Variants in PIWIL4 observed in about 807,000 individuals in gnomAD.
PIWIL4 encodes piwi-like protein 4.
Under a neutral mutation model 100.9 loss-of-function variants are expected in PIWIL4, and 50 were observed. The ratio of observed to expected loss-of-function variants is 0.50; its 90% confidence interval spans 0.39 to 0.63. The LOEUF (loss-of-function observed/expected upper bound fraction) is 0.63. PIWIL4 is among the 20% of genes least tolerant of loss of function. The probability of loss-of-function intolerance (pLI) is 0.00; values close to 1 mark genes in which losing one functional copy is unlikely to be tolerated. For synonymous variants in PIWIL4, 342 were observed against 367.5 expected (o/e 0.93, Z 0.79); for missense variants, 887 against 1,043.3 (o/e 0.85, Z 2.06).
rs556941158 is a variant in PIWIL4 at position 94,611,655 on chromosome 11, ATGAG to A, written c.1943+2975_1943+2978del. On this transcript the variant is annotated intron_variant, in intron 15 of 19. Transcript: ENST00000299001. ...GGGGTAGATTGCCCTCCCCATGGTA[ATGAG>A]TGAGTTCTTGTTCTGTTAGTTTGTG... Among the ~76,000 whole-genome samples the A allele has an allele frequency of 2.3e-3, 343 of 152,234 alleles. 3 individuals are homozygous for A. The highest frequency in any genetic ancestry group is 6.7e-3 in the African/African-American group (278 of 41,536).
At chr11:94,575,467 T>C (rs894714959) in intron 3 of PIWIL4, among the ~76,000 whole-genome samples, 4 of 152,172 alleles carry the variant, frequency 2.6e-5, no homozygotes, top group Non-Finnish European at 5.9e-5. Flanking sequence ...ACATAACCTA[T>C]TTGGGGGATT....
At chr11:94,583,260 T>C (rs1948351062) in intron 4 of PIWIL4, among the ~76,000 whole-genome samples, 188 bp from the exon 5 acceptor site, 1 of 152,176 alleles carries the variant, frequency 6.6e-6, no homozygotes, top group Non-Finnish European at 1.5e-5. Flanking sequence ...GTGTTGTTTT[T>C]TTAGGATTGG....
At chr11:94,583,424 A>C (rs985966726) in intron 4 of PIWIL4, 24 bp from the exon 5 acceptor site, 4 of 1,611,964 alleles carry the variant, frequency 2.5e-6, no homozygotes, top group African/African-American at 1.3e-5. Flanking sequence ...TGTAGGGTGC[A>C]TATTAAGTAC....
At chr11:94,604,174 GC>G (rs1948685934) in intron 13 of PIWIL4, 118 bp downstream of exon 13, 10 of 514,584 alleles carry the variant, frequency 1.9e-5, no homozygotes, top group Non-Finnish European at 3.4e-5. Flanking sequence ...TTTCTCCAAA[GC>G]ACCGAAGAAA....
intron 11 of PIWIL4, among the ~76,000 whole-genome samples, chr11:94,599,275 T>G (rs1565278612): frequency 6.6e-6 from 1 of 152,152 alleles, no homozygotes; most frequent in Non-Finnish European, 1.5e-5. Flanking sequence ...TTTTATGTAT[T>G]TGTTTGCATT....
intron 2 of PIWIL4, among the ~76,000 whole-genome samples, chr11:94,571,538 T>A (rs1948154647): frequency 6.6e-6 from 1 of 152,200 alleles, no homozygotes; most frequent in African/African-American, 2.4e-5. Flanking sequence ...ATGGGGTGTT[T>A]GGTTTTCTGT....
At chr11:94,573,235 C>T (rs546317937) in intron 2 of PIWIL4, among the ~76,000 whole-genome samples, 14 of 152,174 alleles carry the variant, frequency 9.2e-5, no homozygotes, top group Non-Finnish European at 1.9e-4. Flanking sequence ...CATCTGCAAA[C>T]GGAGACAATT....
At chr11:94,586,158 GA>G (rs992995234) in intron 6 of PIWIL4, among the ~76,000 whole-genome samples, 1 of 151,682 alleles carries the variant, frequency 6.6e-6, no homozygotes, top group African/African-American at 2.4e-5. Flanking sequence ...AAAAATGACG[GA>G]GTTTCCATAT....
intron 15 of PIWIL4, among the ~76,000 whole-genome samples, chr11:94,609,660 A>T (rs1349363754): frequency 1.3e-5 from 2 of 152,146 alleles, no homozygotes; most frequent in East Asian, 3.8e-4. Flanking sequence ...TTATTTTGAT[A>T]TAGGGAGTGA....
At chr11:94,617,659 CATTA>C (rs148316354) in intron 16 of PIWIL4, 18,862 of 401,386 alleles carry the variant, frequency 0.047, 1,058 homozygotes, top group East Asian at 0.18. Context: ...TTGTCTATTG[CATTA>C]ATTTTTAATT....
intron 2 of PIWIL4, among the ~76,000 whole-genome samples, chr11:94,571,769 A>G (rs1286057135): frequency 6.6e-6 from 1 of 152,244 alleles, no homozygotes; most frequent in East Asian, 1.9e-4. Context: ...TCTTTATAGT[A>G]GCATGACTTA....
chr11:94,613,889 A>G (rs546531128), intron 15 of PIWIL4, among the ~76,000 whole-genome samples: 1 of 152,124 alleles, frequency 6.6e-6, no homozygotes, highest in African/African-American at 2.4e-5. Flanking sequence ...CAGCCTCCCA[A>G]GTAGCTGAGA....
chr11:94,595,670 T>C (rs895145633), intron 10 of PIWIL4, among the ~76,000 whole-genome samples: 2 of 152,206 alleles, frequency 1.3e-5, no homozygotes, highest in Non-Finnish European at 2.9e-5. Flanking sequence ...TTTCATCTAT[T>C]TCATACATTG....
At chr11:94,618,419 T>C (rs561626671) in intron 17 of PIWIL4, among the ~76,000 whole-genome samples, 1 of 152,316 alleles carries the variant, frequency 6.6e-6, no homozygotes, top group South Asian at 2.1e-4. Context: ...GTGAAAATAC[T>C]TCATACATAT....
chr11:94,614,737 G>A (rs1248111739), intron 15 of PIWIL4, among the ~76,000 whole-genome samples: 3 of 152,106 alleles, frequency 2.0e-5, no homozygotes, highest in Non-Finnish European at 4.4e-5. Context: ...GCCCAGCTAG[G>A]GATTCTGAGG....
intron 7 of PIWIL4, among the ~76,000 whole-genome samples, chr11:94,588,694 G>T (rs1490187061): frequency 6.6e-6 from 1 of 152,206 alleles, no homozygotes; most frequent in Non-Finnish European, 1.5e-5. Flanking sequence ...TGCCAGCATT[G>T]TGGGTTGATT....
At chr11:94,574,474 A>G (rs1324345399) in intron 2 of PIWIL4, among the ~76,000 whole-genome samples, 1 of 152,176 alleles carries the variant, frequency 6.6e-6, no homozygotes, top group Non-Finnish European at 1.5e-5. Flanking sequence ...AAAGTCTACA[A>G]TATTACAAGG....
In PIWIL4 at chr11:94,601,949, C is replaced by T; in HGVS notation, c.1535C>T (p.Ser512Phe). 3.7e-6 allele frequency: 6 copies of T among 1,611,638 alleles called. No homozygotes were observed. In the South Asian group the frequency reaches 6.6e-5, roughly 18 times the overall value. Residue 512 changes from serine to phenylalanine, a missense_variant, in exon 12 of 20, where the codon TCC becomes TTC. Ser to Phe is a radical substitution (Grantham distance 155). Coordinates refer to ENST00000299001, the MANE Select transcript of PIWIL4 (RefSeq NM_152431.3). ...AACTGCTTGAGAAGAGTTGCAGGTT[C>T]CATGGGATTTAATGTGGACTACCCC... ...FLNCLRRVAG[S>F]MGFNVDYPKI...
intron 5 of PIWIL4, among the ~76,000 whole-genome samples, chr11:94,585,219 A>G (rs1035683138): frequency 6.6e-6 from 1 of 152,252 alleles, no homozygotes; most frequent in Non-Finnish European, 1.5e-5. Flanking sequence ...AGCTAAACCC[A>G]GACAGATAAA....
Sources: gnomAD v4.1 joint callset for allele counts (sites outside exome capture counted in the v4.1 genomes callset) on GRCh38, gnomAD v4.1.1 for gene constraint, MANE v1.5 for transcripts, NCBI Gene and HGNC (gene_info 2026-07-23, HGNC 2026-07-21) for gene names.